ARB2A: variants seen among roughly 807,000 people sequenced by gnomAD.
The protein encoded by ARB2A is cotranscriptional regulator ARB2A.
the ARB2A span, among the ~76,000 whole-genome samples, chr5:94,061,459 C>T: frequency 6.6e-6 from 1 of 152,122 alleles, no homozygotes. Flanking sequence ...TCCTAGTCAA[C>T]ACAGGCCACA....
the ARB2A span, among the ~76,000 whole-genome samples, chr5:93,944,617 G>C: frequency 6.6e-6 from 1 of 151,704 alleles, no homozygotes; most frequent in African/African-American, 2.4e-5. Context: ...AGAGGGGAGG[G>C]GAGGGGAGGG....
the ARB2A span, among the ~76,000 whole-genome samples, chr5:93,623,223 C>T: frequency 0.014 from 2,079 of 149,202 alleles, 23 homozygotes; most frequent in Non-Finnish European, 0.019. Flanking sequence ...ATGCATACTA[C>T]GTGGCAACAC....
chr5:93,728,298 A>G, the ARB2A span, among the ~76,000 whole-genome samples: 1 of 152,048 alleles, frequency 6.6e-6, no homozygotes, highest in East Asian at 1.9e-4. Flanking sequence ...AAATGTATTG[A>G]TATCTATTTC....
chr5:93,856,295 GTTCTC>G, the ARB2A span, among the ~76,000 whole-genome samples: 1 of 152,096 alleles, frequency 6.6e-6, no homozygotes, highest in African/African-American at 2.4e-5. Flanking sequence ...TCTTTGGGGT[GTTCTC>G]TGTATTTCCT....
At chr5:93,949,468 G>A in the ARB2A span, among the ~76,000 whole-genome samples, 2 of 152,032 alleles carry the variant, frequency 1.3e-5, no homozygotes, top group African/African-American at 4.8e-5. Context: ...GGCTGAGGCA[G>A]GAGAATCGCT....
At chr5:93,779,129 G>GCGCA in the ARB2A span, among the ~76,000 whole-genome samples, 6 of 137,850 alleles carry the variant, frequency 4.4e-5, no homozygotes, top group African/African-American at 1.3e-4. Context: ...GTGTGTGCGC[G>GCGCA]CGCGCGCGCA....
chr5:93,707,550 TTTTTC>T, the ARB2A span, among the ~76,000 whole-genome samples: 3 of 151,546 alleles, frequency 2.0e-5, no homozygotes, highest in Admixed American at 6.6e-5. Flanking sequence ...CACTAAAAAG[TTTTTC>T]TTTTCTTTTC....
the ARB2A span, among the ~76,000 whole-genome samples, chr5:93,625,428 A>G: frequency 6.6e-6 from 1 of 152,046 alleles, no homozygotes; most frequent in African/African-American, 2.4e-5. Context: ...TCTGAACCCT[A>G]CTCTAGCTAT....
At chr5:93,627,920 C>T in the ARB2A span, among the ~76,000 whole-genome samples, 1 of 149,064 alleles carries the variant, frequency 6.7e-6, no homozygotes, top group Non-Finnish European at 1.5e-5. Flanking sequence ...TGAAAGAATT[C>T]TTTTTTTTTT....
At chr5:93,770,990 C>T in the ARB2A span, among the ~76,000 whole-genome samples, 26 of 152,128 alleles carry the variant, frequency 1.7e-4, no homozygotes, top group East Asian at 5.8e-4. Flanking sequence ...GAGCCCACAT[C>T]GCCAAGTTAA....
At chr5:93,621,268 A>C in the ARB2A span, 1 of 652,308 alleles carries the variant, frequency 1.5e-6, no homozygotes. Flanking sequence ...GCCCCGCCTC[A>C]GCCGCCCGCG....
chr5:94,003,937 C>G, the ARB2A span, among the ~76,000 whole-genome samples: 2 of 152,080 alleles, frequency 1.3e-5, no homozygotes, highest in Non-Finnish European at 2.9e-5. Context: ...AATCCAATTT[C>G]AAGACTTGTA....
the ARB2A span, among the ~76,000 whole-genome samples, chr5:93,950,699 C>A: frequency 9.9e-5 from 15 of 151,288 alleles, no homozygotes; most frequent in Non-Finnish European, 2.2e-4. Flanking sequence ...AATCCCAGCA[C>A]TTTGGGAGGC....
chr5:93,881,620 G>A, the ARB2A span: 255 of 1,606,406 alleles, frequency 1.6e-4, no homozygotes, highest in South Asian at 2.9e-4. Context: ...ATGACTGTAC[G>A]TGTATCTTCG....
chr5:94,011,873 CA>C, the ARB2A span, among the ~76,000 whole-genome samples: 1 of 110,360 alleles, frequency 9.1e-6, no homozygotes, highest in Non-Finnish European at 1.7e-5. Context: ...GGAAATTGGA[CA>C]GAGTGATTTA....
chr5:93,705,734 T>G, the ARB2A span, among the ~76,000 whole-genome samples: 1 of 151,148 alleles, frequency 6.6e-6, no homozygotes, highest in African/African-American at 2.4e-5. Context: ...CCACATACAC[T>G]TCAATTAAGC....
chr5:93,665,628 A>G, the ARB2A span, among the ~76,000 whole-genome samples: 1 of 152,244 alleles, frequency 6.6e-6, no homozygotes, highest in South Asian at 2.1e-4. Flanking sequence ...AACAGGGGTC[A>G]GGCACATGGC....
chr5:93,775,082 A>G, the ARB2A span, among the ~76,000 whole-genome samples: 1 of 152,018 alleles, frequency 6.6e-6, no homozygotes, highest in Non-Finnish European at 1.5e-5. Flanking sequence ...TAGCATATAC[A>G]TCTTCTAGTG....
chr5:93,940,855 C>T, the ARB2A span, among the ~76,000 whole-genome samples: 6 of 152,104 alleles, frequency 3.9e-5, no homozygotes, highest in Admixed American at 2.6e-4. Flanking sequence ...TTCCTACTAC[C>T]AAAAGCTAAC....
Sources: gnomAD v4.1 joint callset for allele counts (sites outside exome capture counted in the v4.1 genomes callset) on GRCh38, gnomAD v4.1.1 for gene constraint, MANE v1.5 for transcripts, NCBI Gene and HGNC (gene_info 2026-07-23, HGNC 2026-07-21) for gene names.